Variants in ATL3 observed in about 807,000 individuals in gnomAD.
ATL3 encodes atlastin-3.
Under a neutral mutation model 69.5 loss-of-function variants are expected in ATL3, and 49 were observed. The ratio of observed to expected loss-of-function variants is 0.71; its 90% CI spans 0.56 to 0.89. The LOEUF (loss-of-function observed/expected upper bound fraction) is 0.89. ATL3 is among the 40% of genes least tolerant of loss of function. The pLI is 0.00. For missense variants in ATL3, 606 were observed against 645.7 expected (o/e 0.94, Z 0.67); for synonymous variants, 214 against 224.1 (o/e 0.95, Z 0.40).
Position 63,652,472 on chromosome 11 carries a change from T to C in ATL3, c.509A>G (p.Gln170Arg). 6.5e-7 allele frequency: 1 copy of C among 1,543,808 alleles called. No homozygotes were observed. The highest frequency in any genetic ancestry group is 1.9e-5 in the Admixed American group (1 of 52,004). Residue 170 changes from glutamine (Q) to arginine (R), a missense_variant and splice_region_variant, in exon 4 of 13, where the codon CAG becomes CGG. Coordinates refer to ENST00000398868, the MANE Select transcript of ATL3 (RefSeq NM_015459.5). ...TTTTCTGAGTCAAGTGGTTTTTACC[T>C]GAACAGAACTAGTCATAGTGCTTAG... ...FALSTMTSSVQIYNLSQNIQE... is the reference protein window; with the variant it reads ...FALSTMTSSVRIYNLSQNIQE...
rs1300285227 is a variant in ATL3 at position 63,626,958 on chromosome 11, T to C, written c.*2361A>G. 3 of 151,162 alleles carry C rather than the reference T, an allele frequency of 2.0e-5. No homozygotes were observed. Among genetic ancestry groups the C allele is most frequent in the Admixed American group, 1.3e-4 (2 of 15,176 alleles). The allele number at this position is 151,162 out of a possible 1,614,324, so 9.4% of individuals were successfully genotyped here. A position where few individuals can be genotyped will look rare whatever the true frequency, so the allele number is the denominator to read the frequency against. ...CAGAACTAAGAAAAAAAAAAAATGG[T>C]GAAGAGGACTTCCTCTGGATAATTA... On this transcript the variant is annotated 3_prime_UTR_variant, in exon 13 of 13. Transcript: ENST00000398868.
Position 63,635,472 on chromosome 11 carries a change from T to C in ATL3, c.1035+62A>G, listed in dbSNP as rs556252870. The C allele has an allele frequency of 6.6e-6, 9 of 1,355,058 alleles. No homozygotes were observed. In the South Asian group the frequency reaches 8.5e-5, roughly 13 times the overall value. The allele number at this position is 1,355,058 out of a possible 1,614,324, so 83.9% of individuals were successfully genotyped here. A position where few individuals can be genotyped will look rare whatever the true frequency, so the allele number is the denominator to read the frequency against. On this transcript the variant is annotated intron_variant, in intron 10 of 12. Transcript: ENST00000398868. ...TTCTCTTCCTAAAGAACTCTGCTTA[T>C]TGTATACAGGTCAACTCAAGTAATT...
At chr11:63,643,721 G>A (rs1225569264) in intron 7 of ATL3, among the ~76,000 whole-genome samples, 1 of 152,182 alleles carries the variant, frequency 6.6e-6, no homozygotes, top group East Asian at 1.9e-4. Context: ...ATTAAAATGA[G>A]TATTACACAA....
At chr11:63,634,185 T>TA (rs146288332) in intron 10 of ATL3, among the ~76,000 whole-genome samples, 13,856 of 113,528 alleles carry the variant, frequency 0.12, 868 homozygotes, top group Middle Eastern at 0.17. Flanking sequence ...TGTTTCTATT[T>TA]AAAAAAAAAA....
At chr11:63,632,810 T>G (rs570852637) in intron 11 of ATL3, 5 of 747,656 alleles carry the variant, frequency 6.7e-6, no homozygotes, top group Non-Finnish European at 1.1e-5. Flanking sequence ...ACCAATAAAC[T>G]ATTTGCTATT....
At chr11:63,645,554 GAGAGAGAGAC>G (rs1247836000) in intron 6 of ATL3, among the ~76,000 whole-genome samples, 9 of 150,198 alleles carry the variant, frequency 6.0e-5, no homozygotes, top group African/African-American at 1.5e-4. Context: ...GAGAGAGAGA[GAGAGAGAGAC>G]AGAGAGAGAC....
chr11:63,658,945 A>C, intron 2 of ATL3, 41 bp from the exon 3 acceptor site: 1 of 1,580,960 alleles, frequency 6.3e-7, no homozygotes, highest in Non-Finnish European at 8.6e-7. Context: ...TAAATTAAAA[A>C]TTTTATGCAT....
chr11:63,656,628 G>A (rs755711876), intron 3 of ATL3, among the ~76,000 whole-genome samples: 8 of 151,404 alleles, frequency 5.3e-5, no homozygotes, highest in Non-Finnish European at 1.2e-4. Context: ...CAGCTACTCA[G>A]AAGGCTGAGA....
chr11:63,633,766 C>T (rs1280168571), intron 10 of ATL3, among the ~76,000 whole-genome samples: 1 of 151,140 alleles, frequency 6.6e-6, no homozygotes, highest in East Asian at 1.9e-4. Context: ...GTGGCTCACG[C>T]CTGTAATCCC....
upstream of ATL3, chr11:63,671,401 CG>C: frequency 1.3e-6 from 2 of 1,526,638 alleles, no homozygotes; most frequent in Non-Finnish European, 1.8e-6. Flanking sequence ...CGGGCGGGAA[CG>C]AACCGGGCCC....
intron 6 of ATL3, 130 bp from the exon 7 acceptor site, chr11:63,644,391 T>C: frequency 1.6e-6 from 1 of 612,822 alleles, no homozygotes; most frequent in Non-Finnish European, 2.8e-6. Context: ...CCTTTTTTTT[T>C]TTTTTTTTTT....
chr11:63,658,031 T>C (rs578026839), intron 3 of ATL3, among the ~76,000 whole-genome samples: 35 of 152,228 alleles, frequency 2.3e-4, no homozygotes, highest in African/African-American at 8.4e-4. Flanking sequence ...TAATTTTTTG[T>C]ATTTTTAGTA....
chr11:63,659,116 C>G lies in ATL3; in HGVS notation c.183G>C (p.Val61=), dbSNP rs1348666497. Residue 61 remains valine, a synonymous_variant, in exon 2 of 13, where the codon GTG becomes GTC. Transcript: ENST00000398868. ...GGAAGGCACCAGCCACTGAAACCAC[C>G]ACCACATCAAGATCTCGGATGTGGT... ...LQDHIRDLDV[V]VVSVAGAFRK... 6.2e-7 allele frequency: 1 copy of G among 1,614,046 alleles called. No homozygotes were observed. The highest frequency in any genetic ancestry group is 1.7e-5 in the Admixed American group (1 of 59,962).
chr11:63,658,191 TGTAACAGGCAGAAG>T (rs1940316873), intron 3 of ATL3, among the ~76,000 whole-genome samples: 1 of 152,156 alleles, frequency 6.6e-6, no homozygotes. Context: ...GAGCACAAAA[TGTAACAGGCAGAAG>T]GTCTGTTTCA....
chr11:63,646,975 C>T (rs1939902931), intron 5 of ATL3, among the ~76,000 whole-genome samples: 1 of 152,060 alleles, frequency 6.6e-6, no homozygotes. Context: ...GCCACACTGG[C>T]CCTCCTTCCT....
Position 63,644,224 on chromosome 11 carries a change from TAAGGGAAACTCCAATCTCTAACCAAA to T in ATL3, c.630_655del (p.Phe210LeufsTer2). The T allele has an allele frequency of 1.2e-6, 2 of 1,611,722 alleles. No homozygotes were observed. The highest frequency in any genetic ancestry group is 1.7e-6 in the Non-Finnish European group (2 of 1,178,960). On this transcript the variant is annotated frameshift_variant, in exon 7 of 13. Coordinates refer to ENST00000398868, the MANE Select transcript of ATL3 (RefSeq NM_015459.5). LOFTEE classifies it high-confidence loss of function. ...TCCTTGGAGTCCATAGCTATATTCA[TAAGGGAAACTCCAATCTCTAACCAAA>T]AACATCAGTGTCTATTTAAGAAAAG... is the stretch of plus-strand genomic sequence containing the variant.
At chr11:63,652,642 T>C in intron 3 of ATL3, 67 bp from the exon 4 acceptor site, 1 of 1,200,888 alleles carries the variant, frequency 8.3e-7, no homozygotes, top group South Asian at 1.3e-5. Context: ...AAGGAGAAAT[T>C]GAAAAGTACA....
chr11:63,658,439 A>G (rs1940324474), intron 3 of ATL3, among the ~76,000 whole-genome samples: 2 of 152,236 alleles, frequency 1.3e-5, no homozygotes, highest in Non-Finnish European at 2.9e-5. Context: ...TACATAAAGT[A>G]CTGCTAGGTA....
At chr11:63,651,055 G>C (rs1940060763) in intron 5 of ATL3, among the ~76,000 whole-genome samples, 1 of 152,152 alleles carries the variant, frequency 6.6e-6, no homozygotes, top group Admixed American at 6.5e-5. Context: ...TTGAATGTCA[G>C]TGGGAGAAGT....
Sources: allele counts gnomAD v4.1 joint callset (sites outside exome capture counted in the v4.1 genomes callset), GRCh38; gene constraint gnomAD v4.1.1; transcripts MANE v1.5; gene names NCBI Gene and HGNC (gene_info 2026-07-23, HGNC 2026-07-21).